The following PRKCE variants were observed in gnomAD, a reference collection of about 807,000 sequenced individuals.
PRKCE encodes the protein protein kinase C epsilon.
In PRKCE, 16 loss-of-function variants were observed where a neutral mutation model predicts 85.4. That is an observed-to-expected ratio of 0.19 (90% CI 0.13 to 0.28). PRKCE has a LOEUF of 0.28. Ranked by LOEUF, PRKCE falls within the 10% of genes least tolerant of loss-of-function variation. The probability of loss-of-function intolerance (pLI) is 1.00; values close to 1 mark genes in which losing one functional copy is unlikely to be tolerated. For missense variants in PRKCE, 573 were observed against 975.2 expected (o/e 0.59, Z 5.49); for synonymous variants, 388 against 371.5 (o/e 1.04, Z -0.51).
chr2:45,974,064 T>C (rs1702276908), intron 2 of PRKCE, among the ~76,000 whole-genome samples: 1 of 152,192 alleles, frequency 6.6e-6, no homozygotes. Context: ...AGGATGATGT[T>C]TCTGGATTGG....
chr2:45,832,886 T>C (rs1460947558), intron 1 of PRKCE, among the ~76,000 whole-genome samples: 6 of 152,312 alleles, frequency 3.9e-5, no homozygotes, highest in African/African-American at 1.4e-4. Context: ...CTTCTTCACA[T>C]AGGTAACACA....
chr2:45,916,187 T>C (rs1545408), intron 2 of PRKCE, among the ~76,000 whole-genome samples: 2 of 89,002 alleles, frequency 2.2e-5, no homozygotes, highest in African/African-American at 5.7e-5. Flanking sequence ...TGTAGTATCT[T>C]TATGACAGGA....
At chr2:45,871,738 T>C (rs947030545) in intron 2 of PRKCE, among the ~76,000 whole-genome samples, 1 of 152,080 alleles carries the variant, frequency 6.6e-6, no homozygotes, top group Non-Finnish European at 1.5e-5. Context: ...AGGTCAGCGG[T>C]AAGGATTTAA....
chr2:45,919,479 C>A (rs962653740), intron 2 of PRKCE, among the ~76,000 whole-genome samples: 1 of 152,226 alleles, frequency 6.6e-6, no homozygotes, highest in Non-Finnish European at 1.5e-5. Flanking sequence ...GTGTTTATGC[C>A]TTGTCTTGGG....
chr2:46,093,996 C>T (rs1418320228), intron 11 of PRKCE, among the ~76,000 whole-genome samples: 1 of 152,024 alleles, frequency 6.6e-6, no homozygotes. Context: ...TAATAAATAT[C>T]TCTTTGTTTT....
intron 14 of PRKCE, among the ~76,000 whole-genome samples, chr2:46,180,267 T>C (rs758943251): frequency 2.0e-5 from 3 of 152,104 alleles, no homozygotes; most frequent in Non-Finnish European, 4.4e-5. Context: ...GGGGAGGGCA[T>C]TCCAGGTAGA....
intron 2 of PRKCE, among the ~76,000 whole-genome samples, chr2:45,954,922 A>G (rs1034429737): frequency 2.6e-5 from 4 of 152,190 alleles, no homozygotes; most frequent in South Asian, 2.1e-4. Flanking sequence ...ACTATTGTCA[A>G]TACTTTAGTA....
intron 2 of PRKCE, among the ~76,000 whole-genome samples, chr2:45,939,578 A>C (rs947234484): frequency 2.6e-5 from 4 of 151,618 alleles, no homozygotes; most frequent in African/African-American, 9.7e-5. Context: ...TTTTTTGAGA[A>C]GGCGTCTCAC....
chr2:45,897,740 T>G (rs1696260076), intron 2 of PRKCE, among the ~76,000 whole-genome samples: 1 of 152,200 alleles, frequency 6.6e-6, no homozygotes, highest in Non-Finnish European at 1.5e-5. Flanking sequence ...GGTACTGAGA[T>G]GGAGAAAACA....
chr2:45,940,152 C>A (rs1699772862), intron 2 of PRKCE, among the ~76,000 whole-genome samples: 1 of 152,200 alleles, frequency 6.6e-6, no homozygotes, highest in African/African-American at 2.4e-5. Flanking sequence ...TTCCCTCAGA[C>A]CTCTTTTCCA....
intron 2 of PRKCE, among the ~76,000 whole-genome samples, chr2:45,948,585 G>C (rs979702221): frequency 5.3e-5 from 8 of 152,206 alleles, no homozygotes; most frequent in Non-Finnish European, 2.9e-5. Flanking sequence ...GCTGCAATGA[G>C]CTATGCCAGC....
intron 11 of PRKCE, among the ~76,000 whole-genome samples, chr2:46,111,423 C>A (rs920162389): frequency 6.6e-6 from 1 of 152,132 alleles, no homozygotes; most frequent in Admixed American, 6.5e-5. Context: ...GCAGTCATCA[C>A]CACAATCAAC....
intron 1 of PRKCE, among the ~76,000 whole-genome samples, chr2:45,703,521 G>C (rs1678853868): frequency 2.0e-5 from 3 of 150,534 alleles, no homozygotes; most frequent in Non-Finnish European, 4.4e-5. Flanking sequence ...CTGGGTGACA[G>C]AGTGAGACCT....
intron 11 of PRKCE, among the ~76,000 whole-genome samples, chr2:46,095,503 A>T (rs1478616523): frequency 6.6e-6 from 1 of 152,220 alleles, no homozygotes; most frequent in Non-Finnish European, 1.5e-5. Flanking sequence ...CTGGATTTAT[A>T]ACTAGTTTTC....
chr2:46,045,552 C>G (rs1708470773), intron 10 of PRKCE, among the ~76,000 whole-genome samples: 1 of 152,338 alleles, frequency 6.6e-6, no homozygotes, highest in Admixed American at 6.5e-5. Flanking sequence ...TCTCCTCCCT[C>G]TGGTATCAAG....
At chr2:45,978,691 C>T (rs1197217805) in intron 3 of PRKCE, 1 of 327,644 alleles carries the variant, frequency 3.1e-6, no homozygotes, top group Non-Finnish European at 5.6e-6. Context: ...TCGTTTGTGG[C>T]TTTCCAGAAC....
chr2:45,893,367 T>TG (rs1445999263), intron 2 of PRKCE, among the ~76,000 whole-genome samples: 2 of 150,522 alleles, frequency 1.3e-5, no homozygotes, highest in African/African-American at 2.4e-5. Context: ...TTTTTTTTTT[T>TG]TTGAGATGAG....
Position 45,907,668 on chromosome 2 carries a change from C to A in PRKCE, c.412+64605C>A, listed in dbSNP as rs150970015. Reference sequence around the variant, plus strand: ...TCTGTCCAGGGAGAAGGAGCATGAGCCCACATCTGCCGTGGCCACCTCTCC... The same window carrying A: ...TCTGTCCAGGGAGAAGGAGCATGAGACCACATCTGCCGTGGCCACCTCTCC... On this transcript the variant is annotated intron_variant, in intron 2 of 14. Coordinates refer to ENST00000306156, the MANE Select transcript of PRKCE (RefSeq NM_005400.3). The surrounding 1 kb of genome is among the most constrained non-coding windows in gnomAD (Gnocchi z 4.5). 1.5e-3 allele frequency among the ~76,000 whole-genome samples: 224 copies of A among 152,278 alleles called. 1 individual carries two copies. Among genetic ancestry groups the A allele is most frequent in the Non-Finnish European group, 1.3e-3 (88 of 68,022 alleles).
At chr2:46,049,276 G>A (rs576404590) in intron 10 of PRKCE, among the ~76,000 whole-genome samples, 4 of 152,234 alleles carry the variant, frequency 2.6e-5, no homozygotes, top group African/African-American at 7.2e-5. Flanking sequence ...CAGTATTGCC[G>A]AGTGGGCTTA....
Sources: allele counts gnomAD v4.1 joint callset (sites outside exome capture counted in the v4.1 genomes callset), GRCh38; gene constraint gnomAD v4.1.1; non-coding constraint Gnocchi (gnomAD v3.1); transcripts MANE v1.5; gene names NCBI Gene and HGNC (gene_info 2026-07-23, HGNC 2026-07-21).